Variants in CHST11 observed in about 807,000 individuals in gnomAD.
The protein encoded by CHST11 is C4S-1.
CHST11 carries 9 observed loss-of-function variants against 30.4 expected under a neutral mutation model. That is an observed-to-expected ratio of 0.30 (90% CI 0.18 to 0.52). CHST11 has a LOEUF of 0.52. Ranked by LOEUF, CHST11 falls within the 20% of genes least tolerant of loss-of-function variation. The pLI, the probability that CHST11 is intolerant of heterozygous loss-of-function variation, is 0.97. For missense variants in CHST11, 348 were observed against 460.6 expected (o/e 0.76, Z 2.24); for synonymous variants, 152 against 187.8 (o/e 0.81, Z 1.56).
At chr12:104,599,067 G>A (rs1477270569) in intron 1 of CHST11, among the ~76,000 whole-genome samples, 6 of 152,334 alleles carry the variant, frequency 3.9e-5, no homozygotes, top group African/African-American at 1.4e-4. Flanking sequence ...GGATCACACT[G>A]CACCGACTGC....
intron 2 of CHST11, among the ~76,000 whole-genome samples, chr12:104,689,974 C>T (rs894326351): frequency 1.3e-5 from 2 of 152,076 alleles, no homozygotes; most frequent in African/African-American, 4.8e-5. Context: ...AAAACTGGGT[C>T]GATTCAACCC....
chr12:104,542,884 G>C (rs2038299170), intron 1 of CHST11, among the ~76,000 whole-genome samples: 1 of 152,200 alleles, frequency 6.6e-6, no homozygotes, highest in African/African-American at 2.4e-5. Context: ...TTACCCTAAA[G>C]AGTAGTTGAT....
At chr12:104,529,152 A>G (rs892759496) in intron 1 of CHST11, among the ~76,000 whole-genome samples, 2 of 152,208 alleles carry the variant, frequency 1.3e-5, no homozygotes, top group African/African-American at 2.4e-5. Flanking sequence ...ATGAGGGCAA[A>G]TTGAGCACCT....
At chr12:104,734,512 G>A (rs118014263) in intron 2 of CHST11, among the ~76,000 whole-genome samples, 7,594 of 152,220 alleles carry the variant, frequency 0.05, 655 homozygotes, top group East Asian at 0.33. Flanking sequence ...CTTAAGATCC[G>A]GACCCAAATG....
Position 104,728,490 on chromosome 12 carries a change from G to T in CHST11, c.205-28459G>T, listed in dbSNP as rs546909941. On this transcript the variant is annotated intron_variant, in intron 2 of 2. Coordinates refer to ENST00000303694, the MANE Select transcript of CHST11 (RefSeq NM_018413.6). The stretch of plus-strand genomic sequence containing the variant: ...TGAGTTGTTCTCTTTAAAAAGCAAG[G>T]GGTTGGAGGAGGAATTTCAGACAGG... Among the ~76,000 whole-genome samples the T allele has an allele frequency of 2.6e-5, 4 of 152,246 alleles. No homozygotes were observed. The South Asian group carries it at 8.3e-4, about 32-fold the overall frequency.
At chr12:104,552,655 A>G (rs577877619) in intron 1 of CHST11, 1 of 152,302 alleles carries the variant, frequency 6.6e-6, no homozygotes, top group East Asian at 1.9e-4. Context: ...TATCTCAGCA[A>G]AAACGTCACC....
rs895931214 is a variant in CHST11 at position 104,603,107 on chromosome 12, G to A, written c.204+1116G>A. ...TGAGGCTTCCTGTACTGGGTTCGGT[G>A]GTGACTCAGTGGGGAATTTGATAGT... On this transcript the variant is annotated intron_variant, in intron 2 of 2. Coordinates refer to ENST00000303694, the MANE Select transcript of CHST11 (RefSeq NM_018413.6). Among the ~76,000 whole-genome samples the A allele has an allele frequency of 1.1e-4, 17 of 152,198 alleles. No individual in the cohort carries two copies. In the East Asian group the frequency reaches 2.1e-3, roughly 19 times the overall value.
At chr12:104,646,323 CTACT>C (rs1465804613) in intron 2 of CHST11, among the ~76,000 whole-genome samples, 2 of 152,190 alleles carry the variant, frequency 1.3e-5, no homozygotes, top group Non-Finnish European at 2.9e-5. Context: ...TGGCCAACAC[CTACT>C]TAGTCTTCAG....
At chr12:104,471,934 CT>C (rs919941447) in intron 1 of CHST11, among the ~76,000 whole-genome samples, 1 of 151,714 alleles carries the variant, frequency 6.6e-6, no homozygotes, top group Non-Finnish European at 1.5e-5. Context: ...TGAACTAGGG[CT>C]TTTTTTGGTC....
intron 2 of CHST11, among the ~76,000 whole-genome samples, chr12:104,637,298 C>A (rs2039331736): frequency 3.8e-5 from 1 of 26,358 alleles, no homozygotes; most frequent in South Asian, 1.8e-3. Flanking sequence ...GGAGTGAGAC[C>A]CTGTAAAAAA....
intron 2 of CHST11, among the ~76,000 whole-genome samples, chr12:104,649,623 G>A (rs2039472607): frequency 1.3e-5 from 2 of 152,174 alleles, no homozygotes; most frequent in South Asian, 4.1e-4. Flanking sequence ...AGCTTTCAAT[G>A]CCTTCTTCCA....
intron 2 of CHST11, among the ~76,000 whole-genome samples, chr12:104,670,616 T>C (rs2039685347): frequency 7.6e-6 from 1 of 131,400 alleles, no homozygotes; most frequent in African/African-American, 3.0e-5. Context: ...AACACATCCA[T>C]ACACACGCAC....
At chr12:104,555,436 C>T (rs566655703) in intron 1 of CHST11, among the ~76,000 whole-genome samples, 33 of 152,324 alleles carry the variant, frequency 2.2e-4, no homozygotes, top group African/African-American at 7.2e-4. Flanking sequence ...ATACTTCATT[C>T]GTCTTCTAGA....
intron 1 of CHST11, among the ~76,000 whole-genome samples, chr12:104,488,603 ATGTG>A (rs1343956748): frequency 8.1e-6 from 1 of 124,150 alleles, no homozygotes; most frequent in Admixed American, 8.0e-5. Flanking sequence ...ATGTATGCGT[ATGTG>A]TGTATGTATG....
At chr12:104,508,498 T>C (rs1446365109) in intron 1 of CHST11, among the ~76,000 whole-genome samples, 2 of 152,242 alleles carry the variant, frequency 1.3e-5, no homozygotes, top group African/African-American at 2.4e-5. Flanking sequence ...CCTGTTGCTG[T>C]TGAAGCAAGG....
chr12:104,539,584 G>A (rs1431852801), intron 1 of CHST11, among the ~76,000 whole-genome samples: 1 of 152,134 alleles, frequency 6.6e-6, no homozygotes, highest in Non-Finnish European at 1.5e-5. Flanking sequence ...TTGTAGAAGG[G>A]ACTGAGAAAG....
At chr12:104,495,976 A>T (rs2037794161) in intron 1 of CHST11, among the ~76,000 whole-genome samples, 1 of 152,348 alleles carries the variant, frequency 6.6e-6, no homozygotes, top group African/African-American at 2.4e-5. Context: ...ACTTGGAATA[A>T]GGCCCATGCC....
chr12:104,647,047 C>A (rs1168312275), intron 2 of CHST11, among the ~76,000 whole-genome samples: 1 of 152,234 alleles, frequency 6.6e-6, no homozygotes, highest in African/African-American at 2.4e-5. Flanking sequence ...TAATGATGAG[C>A]ATTGCCAGCC....
rs979015934 is a variant in CHST11 at position 104,458,011 on chromosome 12, C to G, written c.118+482C>G. Among the ~76,000 whole-genome samples, 32 of 151,738 alleles carry G rather than the reference C, an allele frequency of 2.1e-4. No homozygotes were observed. The highest frequency in any genetic ancestry group is 7.5e-4 in the African/African-American group (31 of 41,348). ...AGCCGCCTCTTCCTGGTTGCCGGGC[C>G]GGGGGCGAAGGGTGTACGCCCCGGC... On this transcript the variant is annotated intron_variant, in intron 1 of 2. Coordinates refer to ENST00000303694, the MANE Select transcript of CHST11 (RefSeq NM_018413.6). The surrounding 1 kb of genome is among the most constrained non-coding windows in gnomAD (Gnocchi z 5.7).
Sources: allele counts gnomAD v4.1 joint callset (sites outside exome capture counted in the v4.1 genomes callset), GRCh38; gene constraint gnomAD v4.1.1; non-coding constraint Gnocchi (gnomAD v3.1); transcripts MANE v1.5; gene names NCBI Gene and HGNC (gene_info 2026-07-23, HGNC 2026-07-21).